Variants in MAF observed in about 807,000 individuals in gnomAD.
The protein encoded by MAF is MAF bZIP transcription factor, also known as transcription factor Maf.
MAF carries 10 observed loss-of-function variants against 22.0 expected under a neutral mutation model. The observed-to-expected ratio is 0.45, with a 90% CI of 0.28 to 0.77. The LOEUF (loss-of-function observed/expected upper bound fraction) is 0.77, where lower values mean the gene tolerates loss of function less well. Among genes scored for constraint, MAF ranks in the 30% least tolerant of loss-of-function variants. MAF has a pLI of 0.12. For synonymous variants in MAF, 337 were observed against 255.8 expected (o/e 1.32, Z -3.03); for missense variants, 544 against 548.4 (o/e 0.99, Z 0.08).
chr16:79,211,838 G>C, the MAF span: 1 of 1,612,370 alleles, frequency 6.2e-7, no homozygotes. Flanking sequence ...CGCCCTGTGT[G>C]TGTCCCCTCA....
At chr16:79,515,202 C>T in the MAF span, among the ~76,000 whole-genome samples, 2 of 152,198 alleles carry the variant, frequency 1.3e-5, no homozygotes, top group Admixed American at 1.3e-4. Flanking sequence ...TCATTGTCAT[C>T]CACTTAGACT....
the MAF span, among the ~76,000 whole-genome samples, chr16:79,216,866 G>A: frequency 2.0e-5 from 3 of 150,696 alleles, no homozygotes; most frequent in East Asian, 5.8e-4. Flanking sequence ...CTGGAGTGCA[G>A]CGGCACGATC....
At chr16:79,480,286 G>A in the MAF span, among the ~76,000 whole-genome samples, 3 of 152,026 alleles carry the variant, frequency 2.0e-5, no homozygotes, top group Admixed American at 2.0e-4. Context: ...TTTTCCGGGT[G>A]AAACTGGGCA....
the MAF span, among the ~76,000 whole-genome samples, chr16:79,306,672 T>C: frequency 6.6e-6 from 1 of 152,216 alleles, no homozygotes; most frequent in Non-Finnish European, 1.5e-5. Flanking sequence ...AGATGTTAAC[T>C]GCTCACATGA....
chr16:79,511,254 A>C, the MAF span, among the ~76,000 whole-genome samples: 3 of 151,088 alleles, frequency 2.0e-5, no homozygotes, highest in Admixed American at 1.3e-4. Flanking sequence ...TTCAAAAAAA[A>C]AGAAAAGAAA....
chr16:79,501,132 G>A, the MAF span, among the ~76,000 whole-genome samples: 1 of 152,154 alleles, frequency 6.6e-6, no homozygotes, highest in Non-Finnish European at 1.5e-5. Context: ...TCCCTCTGGA[G>A]ACCCTGAGAA....
rs140303158 is a variant in MAF at position 79,599,021 on chromosome 16, C to T, written c.882G>A (p.Arg294=). Residue 294 remains arginine, a synonymous_variant, in exon 1 of 2, where the codon CGG becomes CGA. Transcript: ENST00000326043. ...EEVIRLKQKR[R]TLKNRGYAQS... is the part of the protein sequence containing the mutation. ...GGGCATAGCCGCGGTTTTTCAGGGT[C>T]CGCCTCTTCTGCTTCAGCCGGATCA... 1,426 of 1,613,618 alleles carry T rather than the reference C, an allele frequency of 8.8e-4. 3 individuals are homozygous for T. The highest frequency in any genetic ancestry group is 1.1e-3 in the Non-Finnish European group (1,310 of 1,179,940).
the MAF span, among the ~76,000 whole-genome samples, chr16:79,521,639 A>G: frequency 1.3e-5 from 2 of 152,134 alleles, no homozygotes; most frequent in African/African-American, 4.8e-5. Context: ...CACCACCAAC[A>G]AAGTCCACGC....
At chr16:79,364,873 A>G in the MAF span, among the ~76,000 whole-genome samples, 2 of 152,208 alleles carry the variant, frequency 1.3e-5, no homozygotes, top group Admixed American at 6.5e-5. Context: ...CTAAAAGATA[A>G]ACTTAGGCAC....
At chr16:79,519,520 G>C in the MAF span, among the ~76,000 whole-genome samples, 1 of 152,246 alleles carries the variant, frequency 6.6e-6, no homozygotes, top group South Asian at 2.1e-4. Flanking sequence ...GCATGTTCTG[G>C]CCTCCCTTAC....
chr16:79,507,944 T>G, the MAF span, among the ~76,000 whole-genome samples: 1 of 152,168 alleles, frequency 6.6e-6, no homozygotes, highest in African/African-American at 2.4e-5. Flanking sequence ...AAAATCTCAT[T>G]CTTTTTAAGT....
chr16:79,518,558 G>A, the MAF span, among the ~76,000 whole-genome samples: 1 of 152,232 alleles, frequency 6.6e-6, no homozygotes, highest in Non-Finnish European at 1.5e-5. Context: ...ACTGTGACCA[G>A]CTATCTGACT....
At chr16:79,508,037 G>A in the MAF span, among the ~76,000 whole-genome samples, 3 of 152,132 alleles carry the variant, frequency 2.0e-5, no homozygotes, top group East Asian at 1.9e-4. Flanking sequence ...AGACATGGAC[G>A]TGAGGACTAG....
At chr16:79,472,697 G>A in the MAF span, among the ~76,000 whole-genome samples, 1 of 151,952 alleles carries the variant, frequency 6.6e-6, no homozygotes, top group African/African-American at 2.4e-5. Context: ...TTAGAGTAGG[G>A]CGATGGTTGT....
chr16:79,415,278 G>C, the MAF span, among the ~76,000 whole-genome samples: 1 of 141,240 alleles, frequency 7.1e-6, no homozygotes, highest in African/African-American at 2.5e-5. Context: ...AGGAAGGAAG[G>C]AAGGGAGGGA....
chr16:79,275,324 C>T, the MAF span, among the ~76,000 whole-genome samples: 7 of 152,198 alleles, frequency 4.6e-5, no homozygotes, highest in Non-Finnish European at 1.0e-4. Context: ...CCAGCCTGGG[C>T]GACAGAGCAA....
the MAF span, among the ~76,000 whole-genome samples, chr16:79,348,996 G>A: frequency 1.3e-5 from 2 of 152,124 alleles, no homozygotes; most frequent in East Asian, 3.9e-4. Context: ...ACCTGAGCCT[G>A]GTCCCTCCAT....
At chr16:79,342,318 T>C in the MAF span, among the ~76,000 whole-genome samples, 3 of 152,240 alleles carry the variant, frequency 2.0e-5, no homozygotes, top group Non-Finnish European at 1.5e-5. Context: ...TCCAGCGTCT[T>C]TGGGGTTCAC....
At chr16:79,350,439 A>G in the MAF span, among the ~76,000 whole-genome samples, 1 of 152,220 alleles carries the variant, frequency 6.6e-6, no homozygotes, top group Non-Finnish European at 1.5e-5. Context: ...ACACCATTGC[A>G]GATCCTGGCT....
Sources: gnomAD v4.1 joint callset for allele counts (sites outside exome capture counted in the v4.1 genomes callset) on GRCh38, gnomAD v4.1.1 for gene constraint, MANE v1.5 for transcripts, NCBI Gene and HGNC (gene_info 2026-07-23, HGNC 2026-07-21) for gene names.